The following CAMKMT variants were observed in gnomAD, a reference collection of about 807,000 sequenced individuals.
The protein encoded by CAMKMT is CaM KMT.
CAMKMT carries 53 observed loss-of-function variants against 48.0 expected under a neutral mutation model. That is an observed-to-expected ratio of 1.10 (90% confidence interval 0.89 to 1.39). The LOEUF (loss-of-function observed/expected upper bound fraction) is 1.39, where lower values mean the gene tolerates loss of function less well. CAMKMT is among the 40% of genes most tolerant of loss of function. The pLI, the probability that CAMKMT is intolerant of heterozygous loss-of-function variation, is 0.00. For synonymous variants in CAMKMT, 165 were observed against 152.3 expected (o/e 1.08, Z -0.61); for missense variants, 428 against 402.7 (o/e 1.06, Z -0.54).
intron 3 of CAMKMT, among the ~76,000 whole-genome samples, chr2:44,693,422 C>A (rs900341108): frequency 2.6e-5 from 4 of 152,136 alleles, no homozygotes; most frequent in African/African-American, 9.7e-5. Context: ...ACCTTATTTC[C>A]ATTCCTACAA....
At chr2:44,751,186 A>G (rs1680139509) in intron 8 of CAMKMT, among the ~76,000 whole-genome samples, 1 of 152,198 alleles carries the variant, frequency 6.6e-6, no homozygotes. Flanking sequence ...GCAAGTAAAC[A>G]GGGATGGCTT....
intron 3 of CAMKMT, among the ~76,000 whole-genome samples, chr2:44,598,434 A>G (rs77468239): frequency 0.028 from 4,231 of 152,020 alleles, 217 homozygotes; most frequent in African/African-American, 0.097. Flanking sequence ...ATTGGTTGAA[A>G]GGCTTTATTC....
chr2:44,547,715 A>G (rs1369158644), intron 3 of CAMKMT, among the ~76,000 whole-genome samples: 5 of 131,164 alleles, frequency 3.8e-5, no homozygotes, highest in Non-Finnish European at 8.6e-5. Flanking sequence ...ATTTGAAATA[A>G]TACCCATTTC....
intron 3 of CAMKMT, among the ~76,000 whole-genome samples, chr2:44,502,364 C>T (rs1670050007): frequency 6.6e-6 from 1 of 152,186 alleles, no homozygotes; most frequent in South Asian, 2.1e-4. Context: ...CTCTGTCACT[C>T]CAGGTCTGCT....
Position 44,469,675 on chromosome 2 carries a change from A to G in CAMKMT, c.376+79370A>G, listed in dbSNP as rs2104646520. 2.0e-5 allele frequency among the ~76,000 whole-genome samples: 3 copies of G among 152,146 alleles called. No homozygotes were observed. In the Middle Eastern group the frequency reaches 0.01, roughly 518 times the overall value. On this transcript the variant is annotated intron_variant, in intron 3 of 10. Transcript: ENST00000378494. Reference sequence around the variant, plus strand: ...ACCTATCACAAAATTTACCATCTTAACCATTTTTTAGTATTCAGTGGTATT... The same window carrying G: ...ACCTATCACAAAATTTACCATCTTAGCCATTTTTTAGTATTCAGTGGTATT...
intron 3 of CAMKMT, among the ~76,000 whole-genome samples, chr2:44,417,577 G>C (rs1683645076): frequency 6.6e-6 from 1 of 152,112 alleles, no homozygotes; most frequent in Admixed American, 6.5e-5. Flanking sequence ...TAAATACCTA[G>C]GAGTAGAATT....
chr2:44,494,562 T>A (rs1669668865), intron 3 of CAMKMT, among the ~76,000 whole-genome samples: 1 of 152,180 alleles, frequency 6.6e-6, no homozygotes, highest in Non-Finnish European at 1.5e-5. Flanking sequence ...ATGGAAACAT[T>A]TTCAGTGCTA....
intron 3 of CAMKMT, among the ~76,000 whole-genome samples, chr2:44,678,126 G>A (rs1370546): frequency 0.34 from 51,016 of 151,882 alleles, 9,183 homozygotes; most frequent in Non-Finnish European, 0.4. Context: ...CTGCGTTTCC[G>A]AAAACCCATT....
intron 3 of CAMKMT, among the ~76,000 whole-genome samples, chr2:44,416,235 C>A (rs564820312): frequency 2.0e-5 from 3 of 152,170 alleles, no homozygotes; most frequent in African/African-American, 7.2e-5. Flanking sequence ...AAGTATAGAT[C>A]ATTGAAAAAA....
intron 3 of CAMKMT, among the ~76,000 whole-genome samples, chr2:44,623,038 T>A (rs915340698): frequency 6.6e-6 from 1 of 152,176 alleles, no homozygotes; most frequent in African/African-American, 2.4e-5. Context: ...TTCTGACCAG[T>A]GTGAGATGGT....
At chr2:44,604,667 T>A (rs1671186955) in intron 3 of CAMKMT, among the ~76,000 whole-genome samples, 1 of 151,982 alleles carries the variant, frequency 6.6e-6, no homozygotes, top group Non-Finnish European at 1.5e-5. Flanking sequence ...ATACATTTAC[T>A]ATTTTTTCAC....
intron 3 of CAMKMT, among the ~76,000 whole-genome samples, chr2:44,513,735 T>G (rs926771284): frequency 3.3e-5 from 5 of 152,154 alleles, no homozygotes; most frequent in African/African-American, 1.2e-4. Flanking sequence ...ATTCTGACAG[T>G]GCAGAGCAGT....
intron 8 of CAMKMT, among the ~76,000 whole-genome samples, chr2:44,752,090 G>A (rs1165575259): frequency 3.3e-5 from 5 of 151,960 alleles, no homozygotes; most frequent in Admixed American, 6.5e-5. Flanking sequence ...AGAAACATCC[G>A]AACAGTATCA....
At chr2:44,503,447 A>T (rs1323831021) in intron 3 of CAMKMT, among the ~76,000 whole-genome samples, 1 of 152,182 alleles carries the variant, frequency 6.6e-6, no homozygotes, top group Non-Finnish European at 1.5e-5. Flanking sequence ...AAGTTCTAAG[A>T]TATGTGAAAA....
intron 7 of CAMKMT, among the ~76,000 whole-genome samples, chr2:44,730,174 T>G (rs1023930824): frequency 6.6e-6 from 1 of 152,224 alleles, no homozygotes; most frequent in African/African-American, 2.4e-5. Flanking sequence ...TTTGGGGAGC[T>G]TAAAGCGTGA....
At chr2:44,654,455 G>C (rs906521469) in intron 3 of CAMKMT, among the ~76,000 whole-genome samples, 2 of 152,108 alleles carry the variant, frequency 1.3e-5, no homozygotes, top group African/African-American at 4.8e-5. Flanking sequence ...ACAATTAGTT[G>C]TATGCCCTTT....
At chr2:44,703,763 C>G (rs1337617414) in intron 3 of CAMKMT, among the ~76,000 whole-genome samples, 1 of 109,744 alleles carries the variant, frequency 9.1e-6, no homozygotes, top group African/African-American at 3.7e-5. Context: ...GGCGACAGAG[C>G]AAGACTCTAA....
chr2:44,447,592 A>G (rs571214319), intron 3 of CAMKMT, among the ~76,000 whole-genome samples: 2 of 152,324 alleles, frequency 1.3e-5, no homozygotes, highest in African/African-American at 4.8e-5. Flanking sequence ...GTTGTCTGCA[A>G]TGTGCAACCT....
At chr2:44,382,572 G>A (rs150333747) in intron 2 of CAMKMT, among the ~76,000 whole-genome samples, 3 of 151,274 alleles carry the variant, frequency 2.0e-5, no homozygotes, top group East Asian at 1.9e-4. Context: ...TCCGCCTCCC[G>A]GGTTCATGCC....
Sources: gnomAD v4.1 joint callset for allele counts (sites outside exome capture counted in the v4.1 genomes callset) on GRCh38, gnomAD v4.1.1 for gene constraint, MANE v1.5 for transcripts, NCBI Gene and HGNC (gene_info 2026-07-23, HGNC 2026-07-21) for gene names.